MAP4: variants seen among roughly 807,000 people sequenced by gnomAD.
The protein encoded by MAP4 is microtubule-associated protein 4.
A neutral mutation model predicts 170.2 loss-of-function variants in MAP4; 76 were observed. The ratio of observed to expected loss-of-function variants is 0.45; its 90% CI spans 0.37 to 0.54. The LOEUF (loss-of-function observed/expected upper bound fraction) is 0.54, where lower values mean the gene tolerates loss of function less well. Ranked by LOEUF, MAP4 falls within the 20% of genes least tolerant of loss-of-function variation. The pLI is 0.00. For missense variants in MAP4, 2,506 were observed against 2,748.0 expected (o/e 0.91, Z 1.97); for synonymous variants, 909 against 994.5 (o/e 0.91, Z 1.62).
chr3:47,909,922 A>C lies in MAP4; in HGVS notation c.4499T>G (p.Val1500Gly), dbSNP rs748702499. Residue 1500 changes from valine (V) to glycine (G), a missense_variant, in exon 9 of 21, where the codon GTG becomes GGG. By Grantham distance (109) the Val-to-Gly change is moderately radical (BLOSUM62 -3). Transcript: ENST00000683076. ...AACTCCTCCTGTGCTTGTAGAGGGC[A>C]CAACAGCAGAGGGACCCTTGGGTCT... ...QERPKGPSAV[V>G]PSTSTGGVAL... The C allele has an allele frequency of 1.9e-6, 3 of 1,614,032 alleles. No individual in the cohort carries two copies. Among genetic ancestry groups the C allele is most frequent in the Non-Finnish European group, 2.5e-6 (3 of 1,179,864 alleles).
chr3:47,946,260 A>G (rs889432169), intron 3 of MAP4, among the ~76,000 whole-genome samples: 1 of 151,772 alleles, frequency 6.6e-6, no homozygotes, highest in Non-Finnish European at 1.5e-5. Flanking sequence ...TTAAATGCTC[A>G]GGACTATTAC....
intron 1 of MAP4, among the ~76,000 whole-genome samples, chr3:48,008,243 T>C (rs2100103473): frequency 6.6e-6 from 1 of 152,152 alleles, no homozygotes; most frequent in Admixed American, 6.5e-5. Context: ...CTGCCTTCTC[T>C]CTCCCAGCCT....
intron 4 of MAP4, among the ~76,000 whole-genome samples, chr3:47,923,407 T>C (rs575906267): frequency 2.0e-5 from 3 of 151,184 alleles, no homozygotes; most frequent in Admixed American, 1.3e-4. Context: ...GGGAAACTTG[T>C]TGAGGCTTCT....
At position 47,911,765 on chromosome 3, in the gene MAP4, A is replaced by C. The variant is rs1240505211; in HGVS notation, c.2656T>G (p.Ser886Ala). 1 of 1,536,018 alleles carries C rather than the reference A, an allele frequency of 6.5e-7. No homozygotes were observed. The change falls in exon 9 of 21, where the codon TCA (serine) becomes GCA (alanine). Residue 886 changes from serine to alanine, a missense_variant. By Grantham distance (99) the Ser-to-Ala change is moderately conservative. Coordinates refer to ENST00000683076, the MANE Select transcript of MAP4 (RefSeq NM_001385682.1). This position sits in a 1 kb window ranked among gnomAD's most constrained non-coding sequence, Gnocchi z 4.0. ...RVEEESKSNK[S>A]VLQNQDKKLL... ...TTCTTGTCTTGGTTTTGTAGTACTG[A>C]CTTGTTACTTTTGCTCTCTTCCTCT...
rs367803352 is a variant in MAP4, at chr3:47,853,328, G to C, written c.6721C>G (p.Pro2241Ala). ...VKTEGGGSEAPLCPGPPAGEE... is the reference protein window; with the variant it reads ...VKTEGGGSEAALCPGPPAGEE... ...CCAGCAGGGGGACCCGGACACAGAG[G>C]AGCCTCGCTGCCACCGCCCTCAGTC... The change falls in exon 20 of 21, where the codon CCT becomes GCT. Residue 2241 changes from proline to alanine, a missense_variant. This residue lies in a region of MAP4 where 487 missense variants were observed against 511.6 expected (regional missense o/e 0.95). Coordinates refer to ENST00000683076, the MANE Select transcript of MAP4 (RefSeq NM_001385682.1). 1 of 1,609,670 alleles carries C rather than the reference G, an allele frequency of 6.2e-7. No individual in the cohort carries two copies.
chr3:48,052,359 T>C (rs1282775709), intron 1 of MAP4, among the ~76,000 whole-genome samples: 2 of 152,172 alleles, frequency 1.3e-5, no homozygotes, highest in South Asian at 2.1e-4. Flanking sequence ...TAGCTGGGAT[T>C]ATAGGCGTGC....
At chr3:47,999,693 T>G (rs903222796) in intron 1 of MAP4, among the ~76,000 whole-genome samples, 3 of 152,022 alleles carry the variant, frequency 2.0e-5, no homozygotes, top group Non-Finnish European at 4.4e-5. Context: ...TGGGGTCTCC[T>G]GGAGGGTGGA....
chr3:48,079,824 C>G (rs1281148438), intron 1 of MAP4, among the ~76,000 whole-genome samples: 1 of 151,836 alleles, frequency 6.6e-6, no homozygotes, highest in African/African-American at 2.4e-5. Flanking sequence ...GTGGCAGGTA[C>G]TTGTAGTCCC....
intron 3 of MAP4, among the ~76,000 whole-genome samples, chr3:47,954,029 A>C (rs1022054433): frequency 2.0e-5 from 3 of 151,954 alleles, no homozygotes; most frequent in African/African-American, 7.3e-5. Flanking sequence ...AACAAAAAAA[A>C]AAACAAACAA....
chr3:47,973,646 T>C, intron 3 of MAP4: 1 of 985,362 alleles, frequency 1.0e-6, no homozygotes, highest in Non-Finnish European at 1.2e-6. Flanking sequence ...AATCATGAAG[T>C]GTGAGTGTAC....
chr3:48,054,629 CAAAAAAAAAAAAAAA>C (rs745809251), intron 1 of MAP4, among the ~76,000 whole-genome samples: 2 of 39,540 alleles, frequency 5.1e-5, no homozygotes, highest in African/African-American at 1.3e-4. Flanking sequence ...GACTCCATCT[CAAAAAAAAAAAAAAA>C]AAAAAAAAAA....
intron 1 of MAP4, among the ~76,000 whole-genome samples, chr3:48,082,022 A>G (rs1287082294): frequency 6.6e-6 from 1 of 152,196 alleles, no homozygotes; most frequent in Non-Finnish European, 1.5e-5. Flanking sequence ...AGAATGGCCA[A>G]AGCTGGAACA....
chr3:48,015,716 A>G (rs557412400), intron 1 of MAP4, among the ~76,000 whole-genome samples: 1 of 152,318 alleles, frequency 6.6e-6, no homozygotes, highest in East Asian at 1.9e-4. Flanking sequence ...TAACCACAAA[A>G]CCTTGATTTA....
chr3:47,996,304 C>T (rs530795946), intron 2 of MAP4, among the ~76,000 whole-genome samples: 1 of 152,092 alleles, frequency 6.6e-6, no homozygotes, highest in African/African-American at 2.4e-5. Context: ...CATGAGAAGA[C>T]GCTACTACTG....
At chr3:48,029,385 G>A (rs188901904) in intron 1 of MAP4, among the ~76,000 whole-genome samples, 3 of 152,200 alleles carry the variant, frequency 2.0e-5, no homozygotes, top group Non-Finnish European at 4.4e-5. Flanking sequence ...GCAGTGAGCC[G>A]AGATGGCGCC....
chr3:47,867,132 A>C (rs2151712624), intron 17 of MAP4, 114 bp downstream of exon 17: 1 of 704,508 alleles, frequency 1.4e-6, no homozygotes, highest in African/African-American at 1.8e-5. Flanking sequence ...CTTCTTACAG[A>C]ACGCTACAGC....
At chr3:48,080,220 T>C (rs574249612) in intron 1 of MAP4, among the ~76,000 whole-genome samples, 2 of 152,164 alleles carry the variant, frequency 1.3e-5, no homozygotes, top group African/African-American at 4.8e-5. Context: ...CTTTCTAAAA[T>C]GACAAATCTG....
rs575459158 is a variant in MAP4 at position 47,940,459 on chromosome 3, C to A, written c.293-12109G>T. 1.1e-4 allele frequency among the ~76,000 whole-genome samples: 17 copies of A among 152,240 alleles called. No individual in the cohort carries two copies. The South Asian group carries it at 3.5e-3, about 32-fold the overall frequency. On this transcript the variant is annotated intron_variant, in intron 3 of 20. Transcript: ENST00000683076. ...AAACTATGGAAAATGAAATTCTAAA[C>A]AAGAAGCAATTTACATAATGCAGTA...
intron 10 of MAP4, among the ~76,000 whole-genome samples, chr3:47,889,376 G>A: frequency 6.6e-6 from 1 of 152,208 alleles, no homozygotes; most frequent in East Asian, 1.9e-4. Flanking sequence ...CACCTCAAAT[G>A]TGACTTCCTC....
Sources: allele counts gnomAD v4.1 joint callset (sites outside exome capture counted in the v4.1 genomes callset), GRCh38; gene constraint gnomAD v4.1.1; regional missense constraint gnomAD v4.1.1; non-coding constraint Gnocchi (gnomAD v3.1); transcripts MANE v1.5; gene names NCBI Gene and HGNC (gene_info 2026-07-23, HGNC 2026-07-21).